Variants in MS4A3 observed in about 807,000 individuals in gnomAD.
MS4A3 encodes membrane-spanning 4-domains subfamily A member 3.
MS4A3 carries 18 observed loss-of-function variants against 24.7 expected under a neutral mutation model. That is an observed-to-expected ratio of 0.73 (90% CI 0.50 to 1.08). The LOEUF is 1.08. Ranked by LOEUF, MS4A3 falls within the 50% of genes least tolerant of loss-of-function variation. The pLI is 0.00. For synonymous variants in MS4A3, 84 were observed against 95.3 expected (o/e 0.88, Z 0.69); for missense variants, 282 against 251.7 (o/e 1.12, Z -0.82).
intron 1 of MS4A3, among the ~76,000 whole-genome samples, chr11:60,057,092 G>A (rs1486294239): frequency 6.6e-6 from 1 of 152,148 alleles, no homozygotes; most frequent in Non-Finnish European, 1.5e-5. Flanking sequence ...TATGGGGTCT[G>A]CAAAGTGCAT....
chr11:60,063,258 G>T (rs577197372), intron 3 of MS4A3, among the ~76,000 whole-genome samples: 2 of 152,244 alleles, frequency 1.3e-5, no homozygotes. Context: ...AGAGAGTCCT[G>T]GCTTGAGAGT....
At position 60,069,575 on chromosome 11, in the gene MS4A3, G is replaced by T. The variant is rs766498853; in HGVS notation, c.515G>T (p.Gly172Val). 3.7e-6 allele frequency: 6 copies of T among 1,608,252 alleles called. No homozygotes were observed. The South Asian group carries it at 6.6e-5, about 18-fold the overall frequency. Reference protein sequence around the residue: ...LCNYMGSISNGMVSLLLILTL... With the variant: ...LCNYMGSISNVMVSLLLILTL... ...GATATAAGGCATCATATCCCCTAGGGCATGGTGTCTCTACTGCTGATTCTC... is the reference window on the plus strand; with the variant it reads ...GATATAAGGCATCATATCCCCTAGGTCATGGTGTCTCTACTGCTGATTCTC... Residue 172 changes from glycine to valine, a missense_variant and splice_region_variant, in exon 6 of 7, where the codon GGC becomes GTC. Transcript: ENST00000278865.
At position 60,061,164 on chromosome 11, in the gene MS4A3, G is replaced by T. The variant is rs780006211; in HGVS notation, c.4G>T (p.Ala2Ser). Residue 2 changes from alanine to serine, a missense_variant, in exon 2 of 7, where the codon GCC becomes TCC. Physicochemically the swap from Ala to Ser is moderately conservative, Grantham distance 99. Transcript: ENST00000278865. The part of the protein sequence containing the change: M[A>S]SHEVDNAELG... ...ATCACAGCCATAAACAACCCCAATG[G>T]CCTCCCACGAAGTTGATAATGCAGA... The T allele has an allele frequency of 2.4e-5, 38 of 1,578,152 alleles. No homozygotes were observed. The highest frequency in any genetic ancestry group is 3.0e-5 in the Non-Finnish European group (35 of 1,167,042).
rs753803694 is a variant in MS4A3 at position 60,064,321 on chromosome 11, A to G, written c.351+3A>G. The stretch of plus-strand genomic sequence containing the variant: ...GGATAAAACCCACAAGAACATGGGT[A>G]AGTAGCACTTCCTCTTTTTCTATGA... On this transcript the variant is annotated splice_donor_region_variant and intron_variant, in intron 4 of 6. Coordinates refer to ENST00000278865, the MANE Select transcript of MS4A3 (RefSeq NM_006138.5). 1 of 1,596,380 alleles carries G rather than the reference A, an allele frequency of 6.3e-7. No homozygotes were observed. The highest frequency in any genetic ancestry group is 8.5e-7 in the Non-Finnish European group (1 of 1,169,618).
At chr11:60,066,357 A>T (rs1364797635) in intron 4 of MS4A3, among the ~76,000 whole-genome samples, 1 of 152,070 alleles carries the variant, frequency 6.6e-6, no homozygotes, top group Non-Finnish European at 1.5e-5. Flanking sequence ...CAAATCCTTC[A>T]TTGGCTTTGT....
At chr11:60,067,155 C>T in intron 5 of MS4A3, 43 bp downstream of exon 5, 1 of 1,400,410 alleles carries the variant, frequency 7.1e-7, no homozygotes, top group Non-Finnish European at 9.7e-7. Flanking sequence ...ATATTTCAAA[C>T]AATCCAGGAT....
At chr11:60,062,772 T>C in intron 3 of MS4A3, 167 bp downstream of exon 3, 1 of 495,256 alleles carries the variant, frequency 2.0e-6, no homozygotes, top group Middle Eastern at 5.6e-4. Context: ...CTTTTTTATT[T>C]TTTAATTTAA....
intron 6 of MS4A3, among the ~76,000 whole-genome samples, chr11:60,069,977 T>C (rs539114310): frequency 6.6e-6 from 1 of 152,354 alleles, no homozygotes; most frequent in Admixed American, 6.5e-5. Context: ...GAAAAATTAA[T>C]AATTCTTTCT....
chr11:60,063,209 A>G (rs903587100), intron 3 of MS4A3, among the ~76,000 whole-genome samples: 1 of 152,216 alleles, frequency 6.6e-6, no homozygotes, highest in Non-Finnish European at 1.5e-5. Flanking sequence ...AAAAAATTGA[A>G]TGAAAAATGG....
intron 6 of MS4A3, among the ~76,000 whole-genome samples, chr11:60,069,897 T>C (rs925227906): frequency 6.6e-6 from 1 of 152,242 alleles, no homozygotes; most frequent in African/African-American, 2.4e-5. Context: ...AAGAGCATAC[T>C]TTCTTATACA....
At chr11:60,066,146 A>G (rs894219641) in intron 4 of MS4A3, among the ~76,000 whole-genome samples, 2 of 152,226 alleles carry the variant, frequency 1.3e-5, no homozygotes, top group African/African-American at 4.8e-5. Flanking sequence ...CCTATTTATC[A>G]GCAAATAATG....
At position 60,069,653 on chromosome 11, in the gene MS4A3, C is replaced by T. The variant is rs998945109; in HGVS notation, c.593C>T (p.Ala198Val). The T allele has an allele frequency of 1.9e-6, 3 of 1,612,392 alleles. No individual in the cohort carries two copies. Among genetic ancestry groups the T allele is most frequent in the African/African-American group, 1.3e-5 (1 of 74,892 alleles). ...TISTIAMWCN[A>V]NCCNSREEIS... The stretch of plus-strand genomic sequence containing the variant: ...TCTACCATAGCCATGTGGTGCAATG[C>T]AAACTGCTGTAATTCAAGAGAGGTG... The change falls in exon 6 of 7, where the codon GCA becomes GTA. Residue 198 changes from alanine to valine, a missense_variant. Coordinates refer to ENST00000278865, the MANE Select transcript of MS4A3 (RefSeq NM_006138.5).
At chr11:60,059,242 A>T (rs1249061800) in intron 1 of MS4A3, among the ~76,000 whole-genome samples, 1 of 152,168 alleles carries the variant, frequency 6.6e-6, no homozygotes, top group Non-Finnish European at 1.5e-5. Context: ...CACTTAAATG[A>T]GTCATACACA....
rs111916312 is a variant in MS4A3 at position 60,061,389 on chromosome 11, C to T, written c.156+73C>T. On this transcript the variant is annotated intron_variant, in intron 2 of 6. Transcript: ENST00000278865. ...ATACAGTTGACCTGTGAATAACGTG[C>T]GTTTGAACTGTGAGGATTCCCTTAC... 4.3e-4 allele frequency: 644 copies of T among 1,511,646 alleles called. 5 individuals are homozygous for T. In the African/African-American group the frequency reaches 6.7e-3, roughly 16 times the overall value. The allele number at this position is 1,511,646 out of a possible 1,614,324, so 93.6% of individuals were successfully genotyped here.
At position 60,061,225 on chromosome 11, in the gene MS4A3, G is replaced by A. The variant is rs770028603; in HGVS notation, c.65G>A (p.Ser22Asn). The change falls in exon 2 of 7, where the codon AGT (serine) becomes AAT (asparagine). Residue 22 changes from serine (S) to asparagine (N), a missense_variant. Ser to Asn is a conservative substitution (Grantham distance 46). Transcript: ENST00000278865. ...GCCTCTGCCCATGGTACCCCAGGCA[G>A]TGAGGCGGGACCAGAAGAGCTGAAT... ...GSASAHGTPG[S>N]EAGPEELNTS... 1.2e-6 allele frequency: 2 copies of A among 1,613,636 alleles called. No homozygotes were observed. The highest frequency in any genetic ancestry group is 1.7e-6 in the Non-Finnish European group (2 of 1,179,802).
At chr11:60,064,616 C>T (rs905794710) in intron 4 of MS4A3, among the ~76,000 whole-genome samples, 5 of 152,166 alleles carry the variant, frequency 3.3e-5, no homozygotes, top group Admixed American at 2.6e-4. Flanking sequence ...AGAACTCCCA[C>T]CACTAACTAG....
chr11:60,056,928 G>A (rs1471792483), intron 1 of MS4A3, among the ~76,000 whole-genome samples, 188 bp downstream of exon 1: 1 of 152,160 alleles, frequency 6.6e-6, no homozygotes, highest in Non-Finnish European at 1.5e-5. Context: ...GATAAAAAGT[G>A]TTAGACATAA....
At chr11:60,058,506 C>CAAAAAAAAAAAAAAAAAAAAAA (rs58722616) in intron 1 of MS4A3, among the ~76,000 whole-genome samples, 3 of 17,890 alleles carry the variant, frequency 1.7e-4, no homozygotes, top group African/African-American at 3.9e-4. Context: ...AGCTCCAACT[C>CAAAAAAAAAAAAAAAAAAAAAA]AAAAAAAAAA....
At chr11:60,067,610 C>CA (rs1855386610) in intron 5 of MS4A3, among the ~76,000 whole-genome samples, 1 of 152,104 alleles carries the variant, frequency 6.6e-6, no homozygotes, top group Admixed American at 6.5e-5. Context: ...ATGAGGATAA[C>CA]AATAGTACCC....
Sources: allele counts gnomAD v4.1 joint callset (sites outside exome capture counted in the v4.1 genomes callset), GRCh38; gene constraint gnomAD v4.1.1; transcripts MANE v1.5; gene names NCBI Gene and HGNC (gene_info 2026-07-23, HGNC 2026-07-21).